CNBD1: variants seen among roughly 807,000 people sequenced by gnomAD.
CNBD1 encodes the protein cyclic nucleotide-binding domain-containing protein 1.
CNBD1 carries 71 observed loss-of-function variants against 54.4 expected under a neutral mutation model. That is an observed-to-expected ratio of 1.30 (90% CI 1.08 to 1.59). The LOEUF is 1.59. Among genes scored for constraint, CNBD1 ranks in the 40% most tolerant of loss-of-function variants. The pLI is 0.00. For missense variants in CNBD1, 659 were observed against 518.0 expected (o/e 1.27, Z -2.64); for synonymous variants, 182 against 170.7 (o/e 1.07, Z -0.51).
At chr8:86,976,280 G>A (rs961417823) in intron 4 of CNBD1, among the ~76,000 whole-genome samples, 1 of 134,912 alleles carries the variant, frequency 7.4e-6, no homozygotes, top group African/African-American at 2.7e-5. Flanking sequence ...AGACTTTTTG[G>A]GTAACATTAA....
chr8:87,390,317 C>T, intron 2 of CNBD1, among the ~76,000 whole-genome samples: 1 of 152,106 alleles, frequency 6.6e-6, no homozygotes, highest in Non-Finnish European at 1.5e-5. Context: ...AGGCAACCTA[C>T]AGTATGGGAA....
intron 3 of CNBD1, among the ~76,000 whole-genome samples, chr8:86,908,384 G>A (rs1809049099): frequency 6.6e-6 from 1 of 152,158 alleles, no homozygotes; most frequent in African/African-American, 2.4e-5. Flanking sequence ...AGAACACTCA[G>A]TGTTGACCCA....
At chr8:87,107,313 A>C (rs1412206203) in intron 4 of CNBD1, among the ~76,000 whole-genome samples, 2 of 151,968 alleles carry the variant, frequency 1.3e-5, no homozygotes, top group African/African-American at 2.4e-5. Flanking sequence ...CCAACTTTCC[A>C]CTTGCTCCGT....
chr8:87,257,321 A>T (rs1328254227), intron 6 of CNBD1, among the ~76,000 whole-genome samples: 1 of 148,236 alleles, frequency 6.7e-6, no homozygotes, highest in African/African-American at 2.5e-5. Flanking sequence ...GTCAGCTGAG[A>T]TTGTGCCATT....
intron 10 of CNBD1, among the ~76,000 whole-genome samples, chr8:87,381,445 G>T (rs927936290): frequency 6.6e-6 from 1 of 151,888 alleles, no homozygotes; most frequent in African/African-American, 2.4e-5. Flanking sequence ...ACAAAATGAT[G>T]TAGCCACTAT....
chr8:86,989,304 A>ATAC lies in CNBD1; in HGVS notation c.431+49550_431+49551insTAC, dbSNP rs1586182914. 6.5e-3 allele frequency among the ~76,000 whole-genome samples: 969 copies of ATAC among 149,254 alleles called. 16 individuals carry two copies. Among genetic ancestry groups the ATAC allele is most frequent in the African/African-American group, 0.023 (908 of 40,344 alleles). The stretch of plus-strand genomic sequence containing the variant: ...GCAAGACAGCATCTCAAAACAAATA[A>ATAC]ATACATACATACATACATACATACA... On this transcript the variant is annotated intron_variant, in intron 4 of 10. Coordinates refer to ENST00000518476, the MANE Select transcript of CNBD1 (RefSeq NM_173538.3).
At position 87,153,845 on chromosome 8, in the gene CNBD1, G is replaced by C. The variant is rs569207109; in HGVS notation, c.432-52148G>C. On this transcript the variant is annotated intron_variant, in intron 4 of 10. Transcript: ENST00000518476. ...GTACAAGAACATCTCATTTCTTTTT[G>C]GGAGACCGTAGAACAAAAGTGCATG... Among the ~76,000 whole-genome samples the C allele has an allele frequency of 3.9e-5, 6 of 152,220 alleles. No homozygotes were observed. In the South Asian group the frequency reaches 1.2e-3, roughly 32 times the overall value.
chr8:87,236,979 T>G lies in CNBD1; in HGVS notation c.638T>G (p.Val213Gly). The part of the protein sequence containing the change: ...LKGLARPQTN[V>G]YKNLIEGSDS... ...GGCCTAGCTCGACCTCAAACAAACG[T>G]GTATAAAAATCTGATTGAAGGAAGT... The change falls in exon 6 of 11, where the codon GTG becomes GGG. Residue 213 changes from valine to glycine, a missense_variant. Transcript: ENST00000518476. The G allele has an allele frequency of 4.3e-6, 7 of 1,612,614 alleles. No homozygotes were observed. The highest frequency in any genetic ancestry group is 5.9e-6 in the Non-Finnish European group (7 of 1,178,966).
chr8:86,900,002 T>C, intron 2 of CNBD1, among the ~76,000 whole-genome samples: 1 of 152,168 alleles, frequency 6.6e-6, no homozygotes, highest in South Asian at 2.1e-4. Flanking sequence ...AAGTATCCAC[T>C]CACTTTCCCC....
intron 8 of CNBD1, among the ~76,000 whole-genome samples, chr8:87,323,355 G>T (rs908429373): frequency 8.8e-5 from 12 of 136,008 alleles, no homozygotes; most frequent in Non-Finnish European, 1.6e-4. Flanking sequence ...GTCATTGGTA[G>T]CTTGATGGGG....
intron 4 of CNBD1, among the ~76,000 whole-genome samples, chr8:86,982,979 TAAAA>T (rs1184241231): frequency 1.3e-5 from 2 of 152,178 alleles, no homozygotes; most frequent in East Asian, 1.9e-4. Context: ...ATGAGTTTCT[TAAAA>T]AAAGTAATTT....
At chr8:87,357,574 T>C (rs1036876523) in intron 10 of CNBD1, among the ~76,000 whole-genome samples, 1 of 152,208 alleles carries the variant, frequency 6.6e-6, no homozygotes, top group Non-Finnish European at 1.5e-5. Flanking sequence ...GGAATGGGAA[T>C]GTTTACTTGA....
At chr8:87,316,838 T>G (rs1809396403) in intron 8 of CNBD1, among the ~76,000 whole-genome samples, 1 of 151,888 alleles carries the variant, frequency 6.6e-6, no homozygotes, top group South Asian at 2.1e-4. Context: ...TATATCTATT[T>G]ACAACTCCTA....
intron 4 of CNBD1, among the ~76,000 whole-genome samples, chr8:86,971,367 C>T (rs1808215582): frequency 6.6e-6 from 1 of 152,120 alleles, no homozygotes; most frequent in Admixed American, 6.6e-5. Context: ...CAATTGCCTC[C>T]CACCAGGTAC....
chr8:87,386,057 C>G (rs1811178278), downstream of CNBD1, among the ~76,000 whole-genome samples: 1 of 152,126 alleles, frequency 6.6e-6, no homozygotes, highest in African/African-American at 2.4e-5. Context: ...GCTGAGGGTC[C>G]TGACTGTTAG....
intron 2 of CNBD1, among the ~76,000 whole-genome samples, chr8:87,419,321 G>A (rs1331418091): frequency 6.6e-6 from 1 of 151,850 alleles, no homozygotes; most frequent in Admixed American, 6.6e-5. Flanking sequence ...TGGAAAGTGA[G>A]TGATAATAGG....
chr8:87,256,013 A>ATT (rs1808014014), intron 6 of CNBD1, among the ~76,000 whole-genome samples: 12 of 18,174 alleles, frequency 6.6e-4, no homozygotes, highest in East Asian at 1.2e-3. Flanking sequence ...ATATATATAT[A>ATT]TATTTTTTTT....
rs190436027 is a variant in CNBD1, at chr8:87,195,183, C to T, written c.432-10810C>T. The stretch of plus-strand genomic sequence containing the variant: ...CAGGCATGAGCCACCATGCCCGGCC[C>T]GTTTAGTATTTTTTAGTGTTTTAAT... On this transcript the variant is annotated intron_variant, in intron 4 of 10. Coordinates refer to ENST00000518476, the MANE Select transcript of CNBD1 (RefSeq NM_173538.3). Among the ~76,000 whole-genome samples the T allele has an allele frequency of 2.3e-3, 345 of 150,688 alleles. 3 individuals carry two copies. Among genetic ancestry groups the T allele is most frequent in the African/African-American group, 7.9e-3 (322 of 41,006 alleles).
intron 4 of CNBD1, among the ~76,000 whole-genome samples, chr8:87,156,065 A>G (rs1812727559): frequency 6.6e-6 from 1 of 151,918 alleles, no homozygotes; most frequent in Non-Finnish European, 1.5e-5. Flanking sequence ...AGAAATAAAC[A>G]GTAAGAAAAG....
Sources: gnomAD v4.1 joint callset for allele counts (sites outside exome capture counted in the v4.1 genomes callset) on GRCh38, gnomAD v4.1.1 for gene constraint, MANE v1.5 for transcripts, NCBI Gene and HGNC (gene_info 2026-07-23, HGNC 2026-07-21) for gene names.